The following PCDH7 variants were observed in gnomAD, a reference collection of about 807,000 sequenced individuals.
The protein encoded by PCDH7 is protocadherin-7.
PCDH7 carries 17 observed loss-of-function variants against 58.9 expected under a neutral mutation model. The observed-to-expected ratio is 0.29, with a 90% CI of 0.20 to 0.43. PCDH7 has a LOEUF of 0.43. PCDH7 is among the 20% of genes least tolerant of loss of function. PCDH7 has a pLI of 1.00. For synonymous variants in PCDH7, 664 were observed against 616.4 expected (o/e 1.08, Z -1.14); for missense variants, 1,274 against 1,441.0 (o/e 0.88, Z 1.88).
At chr4:31,136,035 G>A (rs1719558465) in intron 3 of PCDH7, among the ~76,000 whole-genome samples, 1 of 152,164 alleles carries the variant, frequency 6.6e-6, no homozygotes, top group Non-Finnish European at 1.5e-5. Context: ...TTACACAGAT[G>A]AGGAAACTAA....
intron 2 of PCDH7, among the ~76,000 whole-genome samples, chr4:30,931,866 A>C (rs1744648635): frequency 6.7e-6 from 1 of 148,878 alleles, no homozygotes; most frequent in South Asian, 2.1e-4. Context: ...ACGTACCATG[A>C]GTGTGACATT....
chr4:30,904,420 TC>T (rs577122952), intron 1 of PCDH7, among the ~76,000 whole-genome samples: 29 of 152,026 alleles, frequency 1.9e-4, no homozygotes, highest in Admixed American at 6.6e-5. Flanking sequence ...CTTTTCTGTC[TC>T]CCCCATCTCC....
Position 30,848,560 on chromosome 4 carries a change from T to TTAG in PCDH7, c.71-71591_71-71589dup, listed in dbSNP as rs542092753. ...ATGAATACTTTTACTCTTGACTAAA[T>TTAG]TAGTCTGGCATAAACACAAGACTGC... On this transcript the variant is annotated intron_variant, in intron 1 of 3. Transcript: ENST00000509759. Among the ~76,000 whole-genome samples, 6 of 152,242 alleles carry TTAG rather than the reference T, an allele frequency of 3.9e-5. No individual in the cohort carries two copies. In the South Asian group the frequency reaches 1.2e-3, roughly 32 times the overall value.
intron 1 of PCDH7, among the ~76,000 whole-genome samples, chr4:30,823,165 T>C (rs542154840): frequency 6.6e-6 from 1 of 152,296 alleles, no homozygotes; most frequent in African/African-American, 2.4e-5. Flanking sequence ...GCAGGGTTGA[T>C]AACATGGTTG....
At chr4:30,775,400 A>G (rs1231313033) in intron 1 of PCDH7, among the ~76,000 whole-genome samples, 1 of 151,740 alleles carries the variant, frequency 6.6e-6, no homozygotes. Context: ...TGTGTGTGTG[A>G]GTGTGTGTGT....
At chr4:31,134,085 T>C (rs1355097039) in intron 3 of PCDH7, among the ~76,000 whole-genome samples, 2 of 152,168 alleles carry the variant, frequency 1.3e-5, no homozygotes, top group South Asian at 4.1e-4. Flanking sequence ...TAAATGTGCT[T>C]ATATCTCTGA....
intron 3 of PCDH7, among the ~76,000 whole-genome samples, chr4:31,079,317 T>G (rs1329171954): frequency 5.8e-4 from 10 of 17,320 alleles, no homozygotes; most frequent in South Asian, 2.6e-3. Context: ...AAGATATATA[T>G]ATATATATAT....
At chr4:30,814,967 G>GAA (rs1727481553) in intron 1 of PCDH7, among the ~76,000 whole-genome samples, 1 of 151,896 alleles carries the variant, frequency 6.6e-6, no homozygotes, top group Non-Finnish European at 1.5e-5. Context: ...CTCTTTCCCT[G>GAA]TACTAGATGG....
At chr4:31,004,941 G>C (rs1226538837) in intron 3 of PCDH7, among the ~76,000 whole-genome samples, 1 of 151,998 alleles carries the variant, frequency 6.6e-6, no homozygotes, top group Non-Finnish European at 1.5e-5. Flanking sequence ...ATAAGTAGCG[G>C]TCAAAATGAA....
chr4:30,976,146 T>C lies in PCDH7; in HGVS notation c.*7+25931T>C, dbSNP rs150157336. ...ATCTACTTTCAATATAAAATTCTTT[T>C]ATTTTTATTTTTGTTTTTTTCTGAG... is the stretch of plus-strand genomic sequence containing the variant. On this transcript the variant is annotated intron_variant, in intron 3 of 3. Transcript: ENST00000509759. Among the ~76,000 whole-genome samples, 461 of 152,334 alleles carry C rather than the reference T, an allele frequency of 3.0e-3. 1 individual carries two copies. Among genetic ancestry groups the C allele is most frequent in the Non-Finnish European group, 5.0e-3 (339 of 68,032 alleles).
chr4:30,721,362 A>T lies in PCDH7; in HGVS notation c.-61A>T. 1 of 1,405,300 alleles carries T rather than the reference A, an allele frequency of 7.1e-7. No homozygotes were observed. Among genetic ancestry groups the T allele is most frequent in the African/African-American group, 1.5e-5 (1 of 68,502 alleles). The allele number at this position is 1,405,300 out of a possible 1,614,324, so 87.1% of individuals were successfully genotyped here. On this transcript the variant is annotated 5_prime_UTR_variant, in exon 1 of 2. Coordinates refer to ENST00000361762, the Ensembl canonical transcript of PCDH7. This position sits in a 1 kb window ranked among gnomAD's most constrained non-coding sequence, Gnocchi z 6.7. Reference sequence around the variant, plus strand: ...GGGGAGGGCAGGCGGCCGGCCCCGGAGGAGGGGGGCGCCGAGGGGGCTGTG... The same window carrying T: ...GGGGAGGGCAGGCGGCCGGCCCCGGTGGAGGGGGGCGCCGAGGGGGCTGTG...
intron 2 of PCDH7, among the ~76,000 whole-genome samples, chr4:30,922,562 CAT>C (rs1743318933): frequency 6.6e-6 from 1 of 151,998 alleles, no homozygotes; most frequent in Non-Finnish European, 1.5e-5. Context: ...AGGAAACACA[CAT>C]GTCATGGAAA....
intron 1 of PCDH7, among the ~76,000 whole-genome samples, chr4:30,856,195 A>AT (rs1733434178): frequency 6.6e-6 from 1 of 151,928 alleles, no homozygotes; most frequent in Non-Finnish European, 1.5e-5. Flanking sequence ...GATTACCAAA[A>AT]AAAAAAGTAA....
At chr4:30,920,071 T>G (rs1413894139) in intron 1 of PCDH7, 82 bp from the exon 2 acceptor site, 1 of 1,029,880 alleles carries the variant, frequency 9.7e-7, no homozygotes. Flanking sequence ...TAGACCTTAA[T>G]GTATGTAATT....
intron 1 of PCDH7, among the ~76,000 whole-genome samples, chr4:30,745,670 C>A (rs2109252779): frequency 6.6e-6 from 1 of 151,966 alleles, no homozygotes; most frequent in East Asian, 1.9e-4. Flanking sequence ...TCTTTTAAAG[C>A]TGTAACTAAC....
chr4:31,077,558 A>G (rs745967386), intron 3 of PCDH7, among the ~76,000 whole-genome samples: 2 of 152,146 alleles, frequency 1.3e-5, no homozygotes, highest in East Asian at 3.9e-4. Context: ...AAAATTTTCA[A>G]AGGAAATGTT....
intron 1 of PCDH7, among the ~76,000 whole-genome samples, chr4:30,844,098 A>G (rs950922691): frequency 9.9e-5 from 15 of 152,132 alleles, no homozygotes; most frequent in African/African-American, 3.4e-4. Context: ...GATTATTTAC[A>G]TAAGTGGCTT....
At chr4:31,100,447 C>G (rs1714759468) in intron 3 of PCDH7, among the ~76,000 whole-genome samples, 1 of 152,088 alleles carries the variant, frequency 6.6e-6, no homozygotes, top group Non-Finnish European at 1.5e-5. Flanking sequence ...TATGATAAGT[C>G]CCATCGTTTC....
intron 1 of PCDH7, among the ~76,000 whole-genome samples, chr4:30,850,375 CT>C (rs1178971315): frequency 1.3e-5 from 2 of 151,992 alleles, no homozygotes; most frequent in African/African-American, 4.8e-5. Flanking sequence ...CTGCTCTTCT[CT>C]TCATTCCTCT....
Sources: gnomAD v4.1 joint callset for allele counts (sites outside exome capture counted in the v4.1 genomes callset) on GRCh38, gnomAD v4.1.1 for gene constraint, Gnocchi (gnomAD v3.1) non-coding constraint, MANE v1.5 for transcripts, NCBI Gene and HGNC (gene_info 2026-07-23, HGNC 2026-07-21) for gene names.